Variants in GREB1L observed in about 807,000 individuals in gnomAD.
The protein encoded by GREB1L is GREB1-like protein.
In GREB1L, 17 loss-of-function variants were observed where a neutral mutation model predicts 200.8. That is an observed-to-expected ratio of 0.08 (90% CI 0.06 to 0.13). GREB1L has a LOEUF of 0.13. Ranked by LOEUF, GREB1L falls within the 10% of genes least tolerant of loss-of-function variation. The pLI, the probability that GREB1L is intolerant of heterozygous loss-of-function variation, is 1.00. For missense variants in GREB1L, 1,657 were observed against 2,367.7 expected (o/e 0.70, Z 6.23); for synonymous variants, 789 against 893.0 (o/e 0.88, Z 2.08).
At chr18:21,357,770 T>C (rs1347649111) in intron 1 of GREB1L, among the ~76,000 whole-genome samples, 1 of 152,202 alleles carries the variant, frequency 6.6e-6, no homozygotes, top group Admixed American at 6.5e-5. Flanking sequence ...GACAATCAGT[T>C]GACCATAAAT....
chr18:21,426,447 G>A (rs1247912109), intron 7 of GREB1L, among the ~76,000 whole-genome samples: 2 of 152,156 alleles, frequency 1.3e-5, no homozygotes, highest in Non-Finnish European at 2.9e-5. Context: ...CATTTGTTAA[G>A]ATGACTAAAT....
At position 21,457,971 on chromosome 18, in the gene GREB1L, T is replaced by G. The variant is rs57181979; in HGVS notation, c.2182+3408T>G. 7.7e-3 allele frequency among the ~76,000 whole-genome samples: 1,164 copies of G among 150,536 alleles called. 22 individuals are homozygous for G. The highest frequency in any genetic ancestry group is 0.027 in the African/African-American group (1,118 of 40,776). Reference sequence around the variant, plus strand: ...ACCTTGAGAGCAAGGACAGTTTTTTTTTTTTTTTTTTTTTGAGGCCGAGTT... The same window carrying G: ...ACCTTGAGAGCAAGGACAGTTTTTTGTTTTTTTTTTTTTTGAGGCCGAGTT... On this transcript the variant is annotated intron_variant, in intron 15 of 32. Transcript: ENST00000424526.
At chr18:21,320,195 A>G (rs74968647) in intron 1 of GREB1L, among the ~76,000 whole-genome samples, 3 of 152,336 alleles carry the variant, frequency 2.0e-5, no homozygotes, top group African/African-American at 7.2e-5. Context: ...ACTGCACAGA[A>G]TATGTACAAA....
chr18:21,267,098 T>C (rs2037981281), intron 1 of GREB1L, among the ~76,000 whole-genome samples: 1 of 151,864 alleles, frequency 6.6e-6, no homozygotes, highest in South Asian at 2.1e-4. Context: ...CACACTGGGC[T>C]CATCTTTGTA....
At chr18:21,464,536 C>T (rs1444501246) in intron 15 of GREB1L, among the ~76,000 whole-genome samples, 2 of 122,312 alleles carry the variant, frequency 1.6e-5, no homozygotes, top group East Asian at 2.3e-4. Context: ...GAGAGAGACA[C>T]CATCTCAAAA....
chr18:21,518,703 C>T (rs9959253), intron 31 of GREB1L, among the ~76,000 whole-genome samples: 1,596 of 152,210 alleles, frequency 0.01, 34 homozygotes, highest in African/African-American at 0.036. Context: ...CAGTGATTAC[C>T]GAACAAATAA....
intron 4 of GREB1L, among the ~76,000 whole-genome samples, chr18:21,393,171 T>C (rs1452982959): frequency 1.3e-5 from 2 of 152,216 alleles, no homozygotes; most frequent in African/African-American, 4.8e-5. Flanking sequence ...ATAACATGAA[T>C]TGATGCTAGG....
At chr18:21,325,147 T>C (rs1226362701) in intron 1 of GREB1L, among the ~76,000 whole-genome samples, 1 of 152,190 alleles carries the variant, frequency 6.6e-6, no homozygotes, top group Non-Finnish European at 1.5e-5. Flanking sequence ...GACACTGAAG[T>C]CTCTTTGGTA....
At chr18:21,295,347 CT>C (rs11339216) in intron 1 of GREB1L, among the ~76,000 whole-genome samples, 30,037 of 151,818 alleles carry the variant, frequency 0.2, 7,107 homozygotes, top group African/African-American at 0.57. Flanking sequence ...CCTCTGACTT[CT>C]TTTTTTTCTT....
At chr18:21,434,485 GTATA>G (rs759371210) in intron 7 of GREB1L, among the ~76,000 whole-genome samples, 10 of 107,778 alleles carry the variant, frequency 9.3e-5, no homozygotes, top group East Asian at 3.3e-4. Flanking sequence ...AAAAAAAATA[GTATA>G]TATATATATA....
At chr18:21,298,374 G>A (rs1345578635) in intron 1 of GREB1L, among the ~76,000 whole-genome samples, 1 of 151,830 alleles carries the variant, frequency 6.6e-6, no homozygotes, top group Non-Finnish European at 1.5e-5. Context: ...AAGTAACTGT[G>A]GTATCTACTT....
chr18:21,250,643 T>C (rs545170234), intron 1 of GREB1L, among the ~76,000 whole-genome samples: 4 of 152,358 alleles, frequency 2.6e-5, no homozygotes, highest in African/African-American at 9.6e-5. Context: ...TCTGTATTTT[T>C]AAACCAATTT....
chr18:21,416,764 G>A (rs148183030), intron 7 of GREB1L, among the ~76,000 whole-genome samples: 23 of 151,522 alleles, frequency 1.5e-4, no homozygotes, highest in African/African-American at 5.1e-4. Flanking sequence ...AGTGGCTCAT[G>A]CCTGTACTCC....
intron 1 of GREB1L, among the ~76,000 whole-genome samples, chr18:21,340,262 A>T (rs936717544): frequency 2.6e-5 from 4 of 151,346 alleles, no homozygotes; most frequent in Non-Finnish European, 5.9e-5. Flanking sequence ...CTAAAAATAT[A>T]AAAAAAAATT....
At chr18:21,245,296 A>G (rs898882214) in intron 1 of GREB1L, among the ~76,000 whole-genome samples, 14 of 152,248 alleles carry the variant, frequency 9.2e-5, no homozygotes, top group African/African-American at 2.4e-5. Context: ...ATTATTTTGA[A>G]TAAGTCTAAT....
Position 21,520,691 on chromosome 18 carries a change from G to C in GREB1L, c.5476G>C (p.Ala1826Pro). 6.4e-7 allele frequency: 1 copy of C among 1,551,516 alleles called. No homozygotes were observed. Among genetic ancestry groups the C allele is most frequent in the Non-Finnish European group, 8.7e-7 (1 of 1,146,918 alleles). The change falls in exon 32 of 33, where the codon GCC becomes CCC. Residue 1826 changes from alanine (A) to proline (P), a missense_variant. Physicochemically the swap from Ala to Pro is conservative, Grantham distance 27 (BLOSUM62 -1). Around this residue, in one of 9 missense-constraint regions of GREB1L, gnomAD observed 190 missense variants for 230.2 expected, o/e 0.83. Coordinates refer to ENST00000424526, the MANE Select transcript of GREB1L (RefSeq NM_001142966.3). Reference protein sequence around the residue: ...DCYLNIGPEVAICYISSRPHS... With the variant: ...DCYLNIGPEVPICYISSRPHS... ...TATTTTTGCTTGATGATTTCAGGTGGCCATATGCTATATCAGCTCCAGACC... is the reference window on the plus strand; with the variant it reads ...TATTTTTGCTTGATGATTTCAGGTGCCCATATGCTATATCAGCTCCAGACC...
intron 5 of GREB1L, 69 bp from the exon 6 acceptor site, chr18:21,401,081 C>A: frequency 8.0e-7 from 1 of 1,256,778 alleles, no homozygotes. Flanking sequence ...TGTTTCTATG[C>A]TGTTTAATAC....
At chr18:21,399,814 T>C (rs2041242746) in intron 5 of GREB1L, among the ~76,000 whole-genome samples, 4 of 152,168 alleles carry the variant, frequency 2.6e-5, no homozygotes, top group Admixed American at 2.6e-4. Flanking sequence ...TAAATAGTTG[T>C]TGATTGAATC....
intron 7 of GREB1L, among the ~76,000 whole-genome samples, chr18:21,432,827 C>T (rs780320584): frequency 3.3e-5 from 5 of 151,344 alleles, no homozygotes; most frequent in African/African-American, 1.2e-4. Flanking sequence ...CTGCCTCAGC[C>T]TCCCAAGTAG....
Sources: allele counts gnomAD v4.1 joint callset (sites outside exome capture counted in the v4.1 genomes callset), GRCh38; gene constraint gnomAD v4.1.1; regional missense constraint gnomAD v4.1.1; transcripts MANE v1.5; gene names NCBI Gene and HGNC (gene_info 2026-07-23, HGNC 2026-07-21).